Variants in OCIAD1 observed in about 807,000 individuals in gnomAD.
The protein encoded by OCIAD1 is OCIA domain containing 1, also known as OCIA domain-containing protein 1.
OCIAD1 carries 29 observed loss-of-function variants against 38.9 expected under a neutral mutation model. The observed-to-expected ratio is 0.74, with a 90% CI of 0.55 to 1.02. The LOEUF (loss-of-function observed/expected upper bound fraction) is 1.02, where lower values mean the gene tolerates loss of function less well. Among genes scored for constraint, OCIAD1 ranks in the 50% least tolerant of loss-of-function variants. The pLI, the probability that OCIAD1 is intolerant of heterozygous loss-of-function variation, is 0.00. For synonymous variants in OCIAD1, 110 were observed against 92.0 expected (o/e 1.20, Z -1.12); for missense variants, 288 against 289.6 (o/e 0.99, Z 0.04).
chr4:48,816,374 G>A (rs1308355529), intron 1 of OCIAD1, among the ~76,000 whole-genome samples: 1 of 151,988 alleles, frequency 6.6e-6, no homozygotes, highest in African/African-American at 2.4e-5. Context: ...AGACCATCCT[G>A]GCCAAAAAAT....
intron 1 of OCIAD1, among the ~76,000 whole-genome samples, chr4:48,812,312 A>AAAAAG: frequency 3.4e-5 from 5 of 147,876 alleles, no homozygotes; most frequent in East Asian, 2.0e-4. Flanking sequence ...AAAAAAAAAA[A>AAAAAG]AAAAGAAAAG....
chr4:48,833,367 A>T, intron 2 of OCIAD1, 34 bp from the exon 3 acceptor site: 2 of 1,265,222 alleles, frequency 1.6e-6, no homozygotes, highest in African/African-American at 3.0e-5. Context: ...TATTATGGAT[A>T]ATTTAATGTT....
chr4:48,835,053 T>A (rs1420275093), intron 3 of OCIAD1, among the ~76,000 whole-genome samples: 2 of 152,132 alleles, frequency 1.3e-5, no homozygotes, highest in African/African-American at 4.8e-5. Context: ...CCTGCCACAG[T>A]GTCCTGAGTA....
chr4:48,827,796 C>G (rs1777265054), upstream of OCIAD1, among the ~76,000 whole-genome samples: 3 of 152,330 alleles, frequency 2.0e-5, no homozygotes, highest in South Asian at 6.2e-4. Context: ...GCGGGTAGCT[C>G]CACCTGCAGC....
intron 1 of OCIAD1, among the ~76,000 whole-genome samples, chr4:48,821,547 G>C (rs1777194026): frequency 6.6e-6 from 1 of 152,162 alleles, no homozygotes; most frequent in Admixed American, 6.5e-5. Flanking sequence ...TCTGGCCAGG[G>C]CAATCAGGCA....
intron 6 of OCIAD1, among the ~76,000 whole-genome samples, chr4:48,851,413 C>T (rs561393512): frequency 1.8e-4 from 28 of 152,262 alleles, no homozygotes; most frequent in Middle Eastern, 3.4e-3. Flanking sequence ...TGAGGCCAGA[C>T]GCGGTGGCTC....
At chr4:48,821,536 T>C (rs1777193974) in intron 1 of OCIAD1, among the ~76,000 whole-genome samples, 2 of 152,228 alleles carry the variant, frequency 1.3e-5, no homozygotes, top group African/African-American at 4.8e-5. Flanking sequence ...GTATTGGAAG[T>C]TCTGGCCAGG....
intron 7 of OCIAD1, 193 bp from the exon 8 acceptor site, chr4:48,857,020 A>G (rs1472791155): frequency 6.2e-6 from 2 of 322,138 alleles, no homozygotes; most frequent in African/African-American, 4.3e-5. Flanking sequence ...AAGCTTAAAA[A>G]TATGGGTGGA....
chr4:48,849,829 G>A, intron 5 of OCIAD1, 118 bp from the exon 6 acceptor site: 4 of 780,104 alleles, frequency 5.1e-6, no homozygotes, highest in Non-Finnish European at 8.1e-6. Flanking sequence ...GGAAATCTCA[G>A]TCTTTCTAAA....
At chr4:48,848,515 T>G (rs897823785) in intron 5 of OCIAD1, 69 bp downstream of exon 5, 4 of 747,384 alleles carry the variant, frequency 5.4e-6, no homozygotes, top group Non-Finnish European at 6.5e-6. Flanking sequence ...TTATCAAATG[T>G]TTTATCATGT....
rs746982867 is a variant in OCIAD1, at chr4:48,860,808, T to C, written c.*46T>C. ...GAAGGAGTTTCAACATCCAGCTTCATCTAGGTGGTCATGATTACCTGCATG... is the reference window on the plus strand; with the variant it reads ...GAAGGAGTTTCAACATCCAGCTTCACCTAGGTGGTCATGATTACCTGCATG... On this transcript the variant is annotated 3_prime_UTR_variant, in exon 9 of 9. Coordinates refer to ENST00000264312, the MANE Select transcript of OCIAD1 (RefSeq NM_017830.4). The C allele has an allele frequency of 4.0e-5, 56 of 1,409,032 alleles. No homozygotes were observed. The highest frequency in any genetic ancestry group is 5.5e-5 in the Non-Finnish European group (55 of 995,496). The allele number at this position is 1,409,032 out of a possible 1,614,324, so 87.3% of individuals were successfully genotyped here.
At chr4:48,821,365 A>C (rs745758168) in intron 1 of OCIAD1, among the ~76,000 whole-genome samples, 7 of 152,224 alleles carry the variant, frequency 4.6e-5, no homozygotes, top group Non-Finnish European at 1.0e-4. Context: ...TCATGTTAAA[A>C]ACTCTCAATA....
intron 1 of OCIAD1, chr4:48,831,484 T>C: frequency 7.8e-7 from 1 of 1,290,274 alleles, no homozygotes; most frequent in South Asian, 1.2e-5. Context: ...TGCTGCTCAG[T>C]CTGTAACGGC....
At chr4:48,841,620 CA>C (rs1778538230) in intron 3 of OCIAD1, among the ~76,000 whole-genome samples, 1 of 152,270 alleles carries the variant, frequency 6.6e-6, no homozygotes, top group African/African-American at 2.4e-5. Flanking sequence ...TGTATTTGTA[CA>C]AACAGTTTGG....
At chr4:48,845,254 C>T (rs938007785) in intron 4 of OCIAD1, among the ~76,000 whole-genome samples, 6 of 152,144 alleles carry the variant, frequency 3.9e-5, no homozygotes, top group African/African-American at 9.7e-5. Flanking sequence ...CTTTTTACTT[C>T]GTTTAACCCA....
At chr4:48,837,714 G>A (rs1483010202) in intron 3 of OCIAD1, among the ~76,000 whole-genome samples, 1 of 145,110 alleles carries the variant, frequency 6.9e-6, no homozygotes, top group Admixed American at 7.1e-5. Flanking sequence ...CTATTTTTAA[G>A]TCTTGATGAC....
At chr4:48,844,814 C>T (rs556720370) in intron 4 of OCIAD1, among the ~76,000 whole-genome samples, 5 of 152,238 alleles carry the variant, frequency 3.3e-5, no homozygotes, top group Admixed American at 1.3e-4. Context: ...GTAAAGTTTA[C>T]GTGCATATCT....
upstream of OCIAD1, among the ~76,000 whole-genome samples, chr4:48,829,486 AC>A (rs1190091677): frequency 2.6e-5 from 4 of 152,188 alleles, no homozygotes; most frequent in African/African-American, 9.7e-5. Flanking sequence ...ACTGTCATAG[AC>A]CTTTTTAGTG....
chr4:48,833,124 G>A (rs554752907), intron 2 of OCIAD1, among the ~76,000 whole-genome samples: 16 of 152,262 alleles, frequency 1.1e-4, no homozygotes, highest in Admixed American at 5.2e-4. Context: ...GGTGATGGGT[G>A]CCTGTAATCC....
Sources: gnomAD v4.1 joint callset for allele counts (sites outside exome capture counted in the v4.1 genomes callset) on GRCh38, gnomAD v4.1.1 for gene constraint, MANE v1.5 for transcripts, NCBI Gene and HGNC (gene_info 2026-07-23, HGNC 2026-07-21) for gene names.